Variants in RASEF observed in about 807,000 individuals in gnomAD.
RASEF encodes the protein RAS and EF-hand domain containing.
A neutral mutation model predicts 90.1 loss-of-function variants in RASEF; 68 were observed. The observed-to-expected ratio is 0.75, with a 90% CI of 0.62 to 0.92. The LOEUF (loss-of-function observed/expected upper bound fraction) is 0.92. Ranked by LOEUF, RASEF falls within the 40% of genes least tolerant of loss-of-function variation. RASEF has a pLI of 0.00. For synonymous variants in RASEF, 331 were observed against 345.2 expected, an observed-to-expected ratio of 0.96 and a Z score of 0.46; for missense variants, 949 against 937.2, an observed-to-expected ratio of 1.01 and a Z score of -0.16.
At chr9:83,015,588 G>C (rs1161196927) in intron 4 of RASEF, among the ~76,000 whole-genome samples, 1 of 152,188 alleles carries the variant, frequency 6.6e-6, no homozygotes, top group African/African-American at 2.4e-5. Context: ...GCTGAGACAG[G>C]AGAATCATTT....
At chr9:83,092,003 CTTTTTTTTTTTTT>C in the RASEF span, among the ~76,000 whole-genome samples, 17 of 35,928 alleles carry the variant, frequency 4.7e-4, no homozygotes, top group East Asian at 0.012. Context: ...TCTTTTATTT[CTTTTTTTTTTTTT>C]TTTTTTTTTT....
intron 9 of RASEF, among the ~76,000 whole-genome samples, chr9:83,002,325 A>G (rs867448570): frequency 1.3e-5 from 2 of 152,282 alleles, no homozygotes; most frequent in African/African-American, 4.8e-5. Context: ...TTTAAAATTA[A>G]TTAAAAAGAT....
At chr9:83,079,574 C>T in the RASEF span, among the ~76,000 whole-genome samples, 1 of 152,172 alleles carries the variant, frequency 6.6e-6, no homozygotes, top group Non-Finnish European at 1.5e-5. Flanking sequence ...AAACGCCTCC[C>T]ACCAGGTCCC....
At chr9:83,042,408 T>A (rs1320166543) in intron 1 of RASEF, among the ~76,000 whole-genome samples, 2 of 152,322 alleles carry the variant, frequency 1.3e-5, no homozygotes, top group African/African-American at 2.4e-5. Context: ...ATGAAGTGAC[T>A]GACAGACTCC....
At chr9:83,148,321 C>T in the RASEF span, among the ~76,000 whole-genome samples, 1 of 152,088 alleles carries the variant, frequency 6.6e-6, no homozygotes, top group Non-Finnish European at 1.5e-5. Context: ...ATTCCCAGTG[C>T]CCCAGCATGT....
At chr9:83,098,807 A>G in the RASEF span, among the ~76,000 whole-genome samples, 1 of 152,168 alleles carries the variant, frequency 6.6e-6, no homozygotes. Flanking sequence ...TGCTACCGTG[A>G]AAACAGGAAG....
the RASEF span, among the ~76,000 whole-genome samples, chr9:83,211,352 C>T: frequency 2.6e-5 from 4 of 152,112 alleles, no homozygotes; most frequent in Admixed American, 2.6e-4. Flanking sequence ...AACTGATCAA[C>T]AAGCATGAAG....
the RASEF span, among the ~76,000 whole-genome samples, chr9:83,186,146 A>G: frequency 6.6e-6 from 1 of 152,310 alleles, no homozygotes; most frequent in South Asian, 2.1e-4. Context: ...TTTTATTTAC[A>G]AAAACAAGTA....
chr9:82,991,807 A>G (rs887352553), intron 15 of RASEF, among the ~76,000 whole-genome samples: 2 of 152,212 alleles, frequency 1.3e-5, no homozygotes, highest in African/African-American at 4.8e-5. Flanking sequence ...GAGGGAATAA[A>G]GCTGGCAGGC....
At chr9:83,169,036 T>C in the RASEF span, among the ~76,000 whole-genome samples, 1 of 149,522 alleles carries the variant, frequency 6.7e-6, no homozygotes, top group Admixed American at 6.7e-5. Flanking sequence ...TTCTATTTGC[T>C]ACCTCCAAGA....
At chr9:83,042,113 T>C (rs1277132032) in intron 1 of RASEF, among the ~76,000 whole-genome samples, 2 of 152,202 alleles carry the variant, frequency 1.3e-5, no homozygotes, top group Non-Finnish European at 2.9e-5. Context: ...TCCAGTTCTG[T>C]GGTCTGAGCT....
the RASEF span, among the ~76,000 whole-genome samples, chr9:83,191,746 C>T: frequency 6.6e-6 from 1 of 152,138 alleles, no homozygotes; most frequent in Admixed American, 6.5e-5. Flanking sequence ...TTCCTCTCAC[C>T]TCCCTCACCC....
the RASEF span, among the ~76,000 whole-genome samples, chr9:83,120,676 C>G: frequency 6.6e-6 from 1 of 152,144 alleles, no homozygotes; most frequent in Non-Finnish European, 1.5e-5. Flanking sequence ...AAGTAGAAGT[C>G]TGAAGATAAT....
the RASEF span, among the ~76,000 whole-genome samples, chr9:83,087,266 T>C: frequency 6.6e-6 from 1 of 152,124 alleles, no homozygotes; most frequent in Non-Finnish European, 1.5e-5. Flanking sequence ...TAACCCCCAG[T>C]GTGATGGTAT....
At chr9:83,154,855 C>G in the RASEF span, among the ~76,000 whole-genome samples, 1 of 152,168 alleles carries the variant, frequency 6.6e-6, no homozygotes. Flanking sequence ...GGGTTCACAA[C>G]TATCTAAGGA....
chr9:83,057,166 A>G (rs1369977718), intron 1 of RASEF, among the ~76,000 whole-genome samples: 3 of 152,198 alleles, frequency 2.0e-5, no homozygotes, highest in Non-Finnish European at 2.9e-5. Context: ...CCTTCTCAAT[A>G]TAGTACTGGA....
Position 83,062,734 on chromosome 9 carries a change from G to A in RASEF, c.134C>T (p.Ala45Val). 2 of 1,571,010 alleles carry A rather than the reference G, an allele frequency of 1.3e-6. No individual in the cohort carries two copies. The highest frequency in any genetic ancestry group is 2.3e-5 in the South Asian group (2 of 87,154). Reference sequence around the variant, plus strand: ...CCGCTGGAATACTGCCTCGGCGTCGGCCGGCCGCACCCGCAGCTCCGTGCA... The same window carrying A: ...CCGCTGGAATACTGCCTCGGCGTCGACCGGCCGCACCCGCAGCTCCGTGCA... ...ALCTELRVRP[A>V]DAEAVFQRLD... The change falls in exon 1 of 17, where the codon GCC becomes GTC. Residue 45 changes from alanine to valine, a missense_variant. Transcript: ENST00000376447.
the RASEF span, among the ~76,000 whole-genome samples, chr9:83,161,587 T>C: frequency 2.6e-5 from 4 of 152,070 alleles, no homozygotes; most frequent in Admixed American, 1.3e-4. Flanking sequence ...GACTGTGGAC[T>C]TTTGAGTTAA....
At position 83,062,457 on chromosome 9, in the gene RASEF, G is replaced by A. The variant is rs1468410730; in HGVS notation, c.411C>T (p.Asp137=). 4 of 1,612,918 alleles carry A rather than the reference G, an allele frequency of 2.5e-6. No individual in the cohort carries two copies. The highest frequency in any genetic ancestry group is 3.4e-6 in the Non-Finnish European group (4 of 1,179,656). The change falls in exon 1 of 17, where the codon GAC becomes GAT. Residue 137 remains aspartate (D), a synonymous_variant. Transcript: ENST00000376447. ...CGCACCTGGGAATGAACTTGGCTTC[G>A]TCCCCAAGTCGCGCCTGGAAATCCT... ...AWQDFQARLG[D]EAKFIPREEQ...
Sources: gnomAD v4.1 joint callset for allele counts (sites outside exome capture counted in the v4.1 genomes callset) on GRCh38, gnomAD v4.1.1 for gene constraint, MANE v1.5 for transcripts, NCBI Gene and HGNC (gene_info 2026-07-23, HGNC 2026-07-21) for gene names.